The following CADM2 variants were observed in gnomAD, a reference collection of about 807,000 sequenced individuals.
The protein encoded by CADM2 is cell adhesion molecule 2.
Under a neutral mutation model 49.8 loss-of-function variants are expected in CADM2, and 12 were observed. That is an observed-to-expected ratio of 0.24 (90% CI 0.15 to 0.39). The LOEUF (loss-of-function observed/expected upper bound fraction) is 0.39. CADM2 is among the 10% of genes least tolerant of loss of function. The pLI is 1.00. For missense variants in CADM2, 378 were observed against 492.3 expected, an observed-to-expected ratio of 0.77 and a Z score of 2.20; for synonymous variants, 214 against 175.4, an observed-to-expected ratio of 1.22 and a Z score of -1.74.
intron 5 of CADM2, among the ~76,000 whole-genome samples, chr3:85,897,251 T>A (rs1715348987): frequency 1.6e-5 from 1 of 63,258 alleles, no homozygotes; most frequent in African/African-American, 1.5e-4. Flanking sequence ...CTTTTTTTTT[T>A]TTTTTTTTTT....
chr3:85,931,708 G>C (rs1452509419), intron 6 of CADM2, among the ~76,000 whole-genome samples: 1 of 151,758 alleles, frequency 6.6e-6, no homozygotes, highest in Non-Finnish European at 1.5e-5. Context: ...CTCCAAAATG[G>C]AGCATTTCTG....
At chr3:85,955,645 A>G (rs1052597706) in intron 7 of CADM2, among the ~76,000 whole-genome samples, 3 of 151,658 alleles carry the variant, frequency 2.0e-5, no homozygotes, top group South Asian at 2.1e-4. Context: ...AAAGAATTTC[A>G]CTGAAAATTA....
At chr3:85,604,673 T>G (rs1576914539) in intron 1 of CADM2, among the ~76,000 whole-genome samples, 1 of 152,080 alleles carries the variant, frequency 6.6e-6, no homozygotes, top group East Asian at 1.9e-4. Flanking sequence ...CAAAGATCAA[T>G]GCTAGCATCT....
intron 4 of CADM2, among the ~76,000 whole-genome samples, chr3:85,885,581 C>T (rs1713496364): frequency 6.6e-6 from 1 of 150,900 alleles, no homozygotes; most frequent in African/African-American, 2.4e-5. Flanking sequence ...ACTCAGGAGG[C>T]TGAGGCAGGA....
At chr3:85,372,594 A>G (rs950017196) in intron 1 of CADM2, among the ~76,000 whole-genome samples, 2 of 152,120 alleles carry the variant, frequency 1.3e-5, no homozygotes, top group African/African-American at 4.8e-5. Flanking sequence ...CCTCTGGCCC[A>G]CATTTATGAT....
chr3:85,568,463 C>CTT (rs1424573453), intron 1 of CADM2, among the ~76,000 whole-genome samples: 2,303 of 12,478 alleles, frequency 0.18, 230 homozygotes, highest in African/African-American at 0.24. Context: ...TTCTTTCTTT[C>CTT]TCTTTCTCTC....
intron 1 of CADM2, among the ~76,000 whole-genome samples, chr3:85,480,781 A>T (rs761960728): frequency 1.4e-4 from 21 of 151,828 alleles, no homozygotes; most frequent in Non-Finnish European, 2.8e-4. Flanking sequence ...CAGTTATATG[A>T]TGAACAATAT....
At chr3:85,282,969 A>G (rs923067472) in intron 1 of CADM2, among the ~76,000 whole-genome samples, 12 of 152,140 alleles carry the variant, frequency 7.9e-5, no homozygotes, top group Non-Finnish European at 1.6e-4. Flanking sequence ...TGACTTCATC[A>G]TAACACATTC....
chr3:85,083,275 C>T (rs770445032), intron 1 of CADM2, among the ~76,000 whole-genome samples: 6 of 152,042 alleles, frequency 3.9e-5, no homozygotes, highest in Non-Finnish European at 8.8e-5. Flanking sequence ...ATTGTGAAAA[C>T]GGTGTTGCCC....
intron 3 of CADM2, among the ~76,000 whole-genome samples, chr3:85,815,996 A>C (rs1282735859): frequency 3.3e-5 from 5 of 152,180 alleles, no homozygotes; most frequent in Admixed American, 6.6e-5. Flanking sequence ...AACAATATCA[A>C]AAAACTACTT....
intron 1 of CADM2, among the ~76,000 whole-genome samples, chr3:85,513,225 T>G (rs1255779809): frequency 6.6e-6 from 1 of 151,928 alleles, no homozygotes; most frequent in Non-Finnish European, 1.5e-5. Context: ...AAAACCAAAA[T>G]TAGTTCTTTT....
intron 1 of CADM2, among the ~76,000 whole-genome samples, chr3:85,425,803 T>C (rs7613049): frequency 1 from 151,949 of 152,272 alleles, 75,814 homozygotes; most frequent in Middle Eastern, 1. Flanking sequence ...CCATCGCCAT[T>C]GTGGAGGCTG....
chr3:85,048,073 CT>C (rs1194310451), intron 1 of CADM2, among the ~76,000 whole-genome samples: 1 of 151,924 alleles, frequency 6.6e-6, no homozygotes, highest in Middle Eastern at 3.4e-3. Context: ...GCTCCAAATA[CT>C]TTTTTTTCAA....
intron 1 of CADM2, among the ~76,000 whole-genome samples, chr3:85,081,839 A>G (rs2037176394): frequency 6.6e-6 from 1 of 152,190 alleles, no homozygotes; most frequent in African/African-American, 2.4e-5. Flanking sequence ...TAAAGAAGGA[A>G]TGTTTTCAAA....
chr3:85,655,152 C>T (rs1180057402), intron 1 of CADM2, among the ~76,000 whole-genome samples: 1 of 129,550 alleles, frequency 7.7e-6, no homozygotes, highest in Non-Finnish European at 1.7e-5. Context: ...CAGGAATCCA[C>T]CTTGGTAATT....
chr3:85,804,269 A>G (rs970077814), intron 3 of CADM2, among the ~76,000 whole-genome samples: 1 of 152,184 alleles, frequency 6.6e-6, no homozygotes, highest in Non-Finnish European at 1.5e-5. Flanking sequence ...GAAACTAAAT[A>G]TATTATTATA....
chr3:85,719,954 A>G (rs573752794), intron 1 of CADM2, among the ~76,000 whole-genome samples: 80 of 152,238 alleles, frequency 5.3e-4, no homozygotes, highest in Middle Eastern at 6.8e-3. Context: ...AAAAAACAAG[A>G]CTTAAAAAAT....
At chr3:85,491,380 T>C (rs1405259511) in intron 1 of CADM2, among the ~76,000 whole-genome samples, 1 of 152,204 alleles carries the variant, frequency 6.6e-6, no homozygotes, top group African/African-American at 2.4e-5. Flanking sequence ...TTTGGTTGAA[T>C]TGAATTTATG....
intron 1 of CADM2, among the ~76,000 whole-genome samples, chr3:85,063,798 A>G (rs1298817494): frequency 6.6e-6 from 1 of 152,096 alleles, no homozygotes; most frequent in African/African-American, 2.4e-5. Flanking sequence ...GAATGTCTTA[A>G]AATAAATACT....
Sources: gnomAD v4.1 joint callset for allele counts (sites outside exome capture counted in the v4.1 genomes callset) on GRCh38, gnomAD v4.1.1 for gene constraint, MANE v1.5 for transcripts, NCBI Gene and HGNC (gene_info 2026-07-23, HGNC 2026-07-21) for gene names.